The following EIF2AK2 variants were observed in gnomAD, a reference collection of about 807,000 sequenced individuals.
EIF2AK2 encodes eukaryotic translation initiation factor 2 alpha kinase 2.
A neutral mutation model predicts 70.5 loss-of-function variants in EIF2AK2; 40 were observed. That is an observed-to-expected ratio of 0.57 (90% confidence interval 0.44 to 0.74). EIF2AK2 has a LOEUF of 0.74. EIF2AK2 is among the 30% of genes least tolerant of loss of function. The probability of loss-of-function intolerance (pLI) is 0.00; values close to 1 mark genes in which losing one functional copy is unlikely to be tolerated. For synonymous variants in EIF2AK2, 198 were observed against 220.9 expected (o/e 0.90, Z 0.92); for missense variants, 555 against 644.3 (o/e 0.86, Z 1.50).
intron 14 of EIF2AK2, among the ~76,000 whole-genome samples, chr2:37,111,877 AAATATATAT>A (rs1408023266): frequency 2.9e-3 from 101 of 34,822 alleles, no homozygotes; most frequent in South Asian, 0.018. Context: ...AAAAAAAAAA[AAATATATAT>A]ATATATATAT....
At chr2:37,116,620 C>T (rs549862343) in intron 13 of EIF2AK2, among the ~76,000 whole-genome samples, 1 of 152,132 alleles carries the variant, frequency 6.6e-6, no homozygotes, top group Admixed American at 6.5e-5. Context: ...ACGGCTCATA[C>T]AGCAATTAGC....
chr2:37,147,195 A>G (rs1430772731), intron 3 of EIF2AK2, among the ~76,000 whole-genome samples: 3 of 152,160 alleles, frequency 2.0e-5, no homozygotes, highest in Non-Finnish European at 4.4e-5. Flanking sequence ...TGGCTCCACC[A>G]TGGTTCCCAC....
rs1573041241 is a variant in EIF2AK2 at position 37,148,960 on chromosome 2, G to T, written c.-120C>A. ...CAAACCTGAGTCAGATGGAAGAACT[G>T]CTAAAGTTTTGAGGTCATTACAATT... On this transcript the variant is annotated 5_prime_UTR_variant, in exon 2 of 17. Coordinates refer to ENST00000233057, the MANE Select transcript of EIF2AK2 (RefSeq NM_001135651.3). The T allele has an allele frequency of 7.2e-6, 6 of 829,776 alleles. No individual in the cohort carries two copies. The highest frequency in any genetic ancestry group is 1.3e-5 in the Non-Finnish European group (6 of 463,012). The allele number at this position is 829,776 out of a possible 1,614,324, so 51.4% of individuals were successfully genotyped here. A position where few individuals can be genotyped will look rare whatever the true frequency, so the allele number is the denominator to read the frequency against.
chr2:37,139,623 A>G lies in EIF2AK2; in HGVS notation c.516+8T>C, dbSNP rs1284661464. 6.2e-7 allele frequency: 1 copy of G among 1,607,274 alleles called. No individual in the cohort carries two copies. The highest frequency in any genetic ancestry group is 8.5e-7 in the Non-Finnish European group (1 of 1,178,488). On this transcript the variant is annotated splice_region_variant and intron_variant, in intron 6 of 16. Transcript: ENST00000233057. ...AACATAAAAATTTAATCCAAAGGCAATACGTACCACTGAGGTTTCTTCTGA... is the reference window on the plus strand; with the variant it reads ...AACATAAAAATTTAATCCAAAGGCAGTACGTACCACTGAGGTTTCTTCTGA...
At position 37,106,491 on chromosome 2, in the gene EIF2AK2, T is replaced by C. The variant is rs1052045262; in HGVS notation, c.*782A>G. 2.6e-5 allele frequency: 4 copies of C among 152,086 alleles called. No individual in the cohort carries two copies. Among genetic ancestry groups the C allele is most frequent in the South Asian group, 2.1e-4 (1 of 4,818 alleles). 9.4% of individuals were successfully genotyped at this position (152,086 alleles called of 1,614,324 possible). A position where few individuals can be genotyped will look rare whatever the true frequency, so the allele number is the denominator to read the frequency against. ...TGTAAGCACGTATGTAGGAATAGAA[T>C]TGATAGCTATGTGGGTATACATGGA... On this transcript the variant is annotated 3_prime_UTR_variant, in exon 17 of 17. Transcript: ENST00000233057.
intron 12 of EIF2AK2, among the ~76,000 whole-genome samples, chr2:37,121,730 T>C (rs1390595465): frequency 6.6e-6 from 1 of 151,400 alleles, no homozygotes; most frequent in Non-Finnish European, 1.5e-5. Context: ...CAGGAAGAGG[T>C]AGCCAAGAAT....
At chr2:37,113,908 G>A (rs1249979446) in intron 14 of EIF2AK2, among the ~76,000 whole-genome samples, 1 of 152,140 alleles carries the variant, frequency 6.6e-6, no homozygotes, top group Non-Finnish European at 1.5e-5. Flanking sequence ...CAGCAATTAA[G>A]TTTGAAATGC....
intron 10 of EIF2AK2, among the ~76,000 whole-genome samples, chr2:37,128,346 A>C (rs1412400423): frequency 6.6e-6 from 1 of 152,230 alleles, no homozygotes; most frequent in Non-Finnish European, 1.5e-5. Flanking sequence ...GAAAACAGAT[A>C]CAAGTGGATC....
intron 1 of EIF2AK2, among the ~76,000 whole-genome samples, chr2:37,155,817 T>C (rs1403788863): frequency 6.6e-6 from 1 of 151,866 alleles, no homozygotes; most frequent in East Asian, 1.9e-4. Context: ...GGCGGGCACC[T>C]GTAGTCCCAG....
At chr2:37,138,174 T>C (rs1326944870) in intron 8 of EIF2AK2, 96 bp downstream of exon 8, 7 of 889,474 alleles carry the variant, frequency 7.9e-6, no homozygotes, top group African/African-American at 1.8e-5. Flanking sequence ...AGATAAAAAA[T>C]ATAAAAATTA....
chr2:37,156,176 G>A (rs993867461), intron 1 of EIF2AK2, among the ~76,000 whole-genome samples: 1 of 152,126 alleles, frequency 6.6e-6, no homozygotes, highest in Non-Finnish European at 1.5e-5. Flanking sequence ...GAAACAAGCA[G>A]TGCAAAGGCC....
At chr2:37,118,348 A>G (rs758702943) in intron 13 of EIF2AK2, among the ~76,000 whole-genome samples, 1 of 152,092 alleles carries the variant, frequency 6.6e-6, no homozygotes, top group Non-Finnish European at 1.5e-5. Context: ...TAAGAAGAAT[A>G]ATAAAGTCTG....
At chr2:37,136,825 C>T (rs4648196) in intron 9 of EIF2AK2, 158 bp downstream of exon 9, 8 of 611,010 alleles carry the variant, frequency 1.3e-5, no homozygotes, top group South Asian at 2.4e-5. Context: ...AAAGATTTCT[C>T]GACACATCTA....
Position 37,145,141 on chromosome 2 carries a change from G to GTTTT in EIF2AK2, c.240+1708_240+1711dup, listed in dbSNP as rs57402760. 8.7e-4 allele frequency among the ~76,000 whole-genome samples: 112 copies of GTTTT among 129,054 alleles called. 2 individuals carry two copies. Among genetic ancestry groups the GTTTT allele is most frequent in the Middle Eastern group, 4.0e-3 (1 of 248 alleles). The allele number at this position is 129,054 out of a possible 152,430, so 84.7% of individuals were successfully genotyped here. ...TATGTGTTTGTTTGTGGTTTTGTGG[G>GTTTT]TTTTTTTTTTTTTTTTTTTGAGACA... On this transcript the variant is annotated intron_variant, in intron 4 of 16. Transcript: ENST00000233057.
At chr2:37,132,189 A>G (rs1026981606) in intron 10 of EIF2AK2, among the ~76,000 whole-genome samples, 12 of 152,122 alleles carry the variant, frequency 7.9e-5, no homozygotes, top group African/African-American at 2.2e-4. Flanking sequence ...CCCTCACACA[A>G]CATATCCCCT....
intron 13 of EIF2AK2, among the ~76,000 whole-genome samples, chr2:37,119,565 ATATATCTATC>A (rs974728122): frequency 6.6e-5 from 10 of 151,686 alleles, no homozygotes; most frequent in African/African-American, 2.4e-4. Flanking sequence ...AGAAAAAAAT[ATATATCTATC>A]TATCTTATTT....
chr2:37,122,786 C>T, intron 11 of EIF2AK2, 122 bp from the exon 12 acceptor site: 1 of 1,304,650 alleles, frequency 7.7e-7, no homozygotes, highest in South Asian at 1.3e-5. Flanking sequence ...GTGGTTCTCA[C>T]ATAGTTTTAG....
chr2:37,131,904 A>G (rs1265693081), intron 10 of EIF2AK2, among the ~76,000 whole-genome samples: 1 of 152,206 alleles, frequency 6.6e-6, no homozygotes, highest in African/African-American at 2.4e-5. Context: ...ACAAGTTAAT[A>G]TATACCACCA....
chr2:37,128,615 C>T (rs752862967), intron 10 of EIF2AK2, among the ~76,000 whole-genome samples: 2 of 152,200 alleles, frequency 1.3e-5, no homozygotes, highest in Non-Finnish European at 2.9e-5. Flanking sequence ...CAAGAAACTT[C>T]TGTTGAATGA....
Sources: allele counts gnomAD v4.1 joint callset (sites outside exome capture counted in the v4.1 genomes callset), GRCh38; gene constraint gnomAD v4.1.1; transcripts MANE v1.5; gene names NCBI Gene and HGNC (gene_info 2026-07-23, HGNC 2026-07-21).